The following PRKG1 variants were observed in gnomAD, a reference collection of about 807,000 sequenced individuals.
PRKG1 encodes protein kinase cGMP-dependent 1.
A neutral mutation model predicts 88.1 loss-of-function variants in PRKG1; 35 were observed. The ratio of observed to expected loss-of-function variants is 0.40; its 90% CI spans 0.30 to 0.53. The LOEUF is 0.53. PRKG1 is among the 20% of genes least tolerant of loss of function. PRKG1 has a pLI of 0.59. For synonymous variants in PRKG1, 303 were observed against 292.5 expected, an observed-to-expected ratio of 1.04 and a Z score of -0.37; for missense variants, 540 against 839.8, an observed-to-expected ratio of 0.64 and a Z score of 4.41.
intron 3 of PRKG1, among the ~76,000 whole-genome samples, chr10:51,628,688 G>A (rs906885801): frequency 3.3e-5 from 5 of 152,018 alleles, no homozygotes; most frequent in Non-Finnish European, 5.9e-5. Context: ...GGCCGGGCGC[G>A]GTGGCTCACG....
chr10:52,290,362 T>A, intron 17 of PRKG1, 72 bp downstream of exon 17: 1 of 1,311,442 alleles, frequency 7.6e-7, no homozygotes, highest in South Asian at 1.3e-5. Flanking sequence ...AATGATCTGT[T>A]ATTTTTAAAG....
chr10:51,888,142 A>C, intron 4 of PRKG1, among the ~76,000 whole-genome samples: 1 of 152,104 alleles, frequency 6.6e-6, no homozygotes, highest in Non-Finnish European at 1.5e-5. Flanking sequence ...GTATAGGCTT[A>C]TGGCCCAACT....
At chr10:51,300,304 G>A (rs1025668169) in intron 2 of PRKG1, among the ~76,000 whole-genome samples, 3 of 152,140 alleles carry the variant, frequency 2.0e-5, no homozygotes, top group African/African-American at 7.2e-5. Flanking sequence ...ATCATACACA[G>A]TAATCCTTGG....
intron 9 of PRKG1, among the ~76,000 whole-genome samples, chr10:52,169,926 G>C (rs534135261): frequency 6.6e-6 from 1 of 152,266 alleles, no homozygotes; most frequent in South Asian, 2.1e-4. Flanking sequence ...GACAAAGGCA[G>C]ACCTCTTCAA....
At chr10:51,750,857 G>A (rs538822601) in intron 3 of PRKG1, among the ~76,000 whole-genome samples, 1 of 151,218 alleles carries the variant, frequency 6.6e-6, no homozygotes, top group African/African-American at 2.4e-5. Flanking sequence ...CTTTCTAAAA[G>A]AATATTTTCA....
chr10:51,658,440 G>A (rs1030940390), intron 3 of PRKG1, among the ~76,000 whole-genome samples: 3 of 152,030 alleles, frequency 2.0e-5, no homozygotes, highest in Non-Finnish European at 4.4e-5. Flanking sequence ...AATGACAAAT[G>A]TCCCTTCCAG....
intron 3 of PRKG1, among the ~76,000 whole-genome samples, chr10:51,618,164 T>A (rs1420117739): frequency 1.3e-5 from 2 of 152,190 alleles, no homozygotes; most frequent in Non-Finnish European, 2.9e-5. Context: ...TATCTTGGCT[T>A]CAGAGATTAA....
chr10:51,585,201 C>G (rs1389023237), intron 3 of PRKG1, among the ~76,000 whole-genome samples: 1 of 152,038 alleles, frequency 6.6e-6, no homozygotes, highest in Admixed American at 6.6e-5. Context: ...CTACTGTCTT[C>G]TTCATAATCA....
rs1254749071 is a variant in PRKG1, at chr10:51,158,359, G to A, written c.478+5029G>A. On this transcript the variant is annotated intron_variant, in intron 2 of 17. Transcript: ENST00000373980. ...TAGCCTTGGAGTCCCCATGCCTAAG[G>A]AATGTGCGGTGCTAACTTTTGAAGT... 2.0e-5 allele frequency among the ~76,000 whole-genome samples: 3 copies of A among 151,922 alleles called. No individual in the cohort carries two copies. In the East Asian group the frequency reaches 5.8e-4, roughly 29 times the overall value.
At chr10:51,636,849 C>T (rs929724252) in intron 3 of PRKG1, among the ~76,000 whole-genome samples, 5 of 152,124 alleles carry the variant, frequency 3.3e-5, no homozygotes, top group Admixed American at 6.5e-5. Context: ...AGGTAGCAAA[C>T]GAGGAGAACA....
intron 9 of PRKG1, among the ~76,000 whole-genome samples, chr10:52,205,427 C>T (rs1312070161): frequency 6.6e-6 from 1 of 152,148 alleles, no homozygotes; most frequent in Non-Finnish European, 1.5e-5. Flanking sequence ...CCCTTTATTT[C>T]TCAGACCAGC....
chr10:51,318,317 A>G (rs1841372187), intron 2 of PRKG1, among the ~76,000 whole-genome samples: 1 of 152,166 alleles, frequency 6.6e-6, no homozygotes, highest in Non-Finnish European at 1.5e-5. Context: ...TTTTCTAGGG[A>G]TGTAAAATGA....
At chr10:51,687,616 A>G (rs1434591669) in intron 3 of PRKG1, among the ~76,000 whole-genome samples, 4 of 152,206 alleles carry the variant, frequency 2.6e-5, no homozygotes, top group Non-Finnish European at 5.9e-5. Flanking sequence ...TACCAGAAAA[A>G]TAATGAGATT....
chr10:51,836,816 A>G (rs1314137690), intron 4 of PRKG1, among the ~76,000 whole-genome samples: 1 of 152,182 alleles, frequency 6.6e-6, no homozygotes, highest in Admixed American at 6.6e-5. Flanking sequence ...CCCTTTTAAT[A>G]TATCATACTG....
chr10:52,093,462 T>C (rs1025721840), intron 7 of PRKG1, among the ~76,000 whole-genome samples: 16 of 152,146 alleles, frequency 1.1e-4, no homozygotes, highest in East Asian at 7.7e-4. Flanking sequence ...GTTTTGAAAA[T>C]GTACATGTGA....
chr10:51,347,991 A>C (rs943777233), intron 2 of PRKG1, among the ~76,000 whole-genome samples: 5 of 152,176 alleles, frequency 3.3e-5, no homozygotes, highest in African/African-American at 1.2e-4. Flanking sequence ...TGAACCCGGG[A>C]GGCGGAGCTT....
At chr10:51,017,649 AT>A (rs921406850) in intron 1 of PRKG1, among the ~76,000 whole-genome samples, 1 of 152,020 alleles carries the variant, frequency 6.6e-6, no homozygotes, top group African/African-American at 2.4e-5. Context: ...CTGACTTCAA[AT>A]TTTTTCCTGG....
chr10:51,662,706 T>G (rs79333870), intron 3 of PRKG1, among the ~76,000 whole-genome samples: 5,715 of 152,108 alleles, frequency 0.038, 150 homozygotes, highest in South Asian at 0.1. Context: ...AAGGAGCAAA[T>G]GGAGAAGGCC....
intron 1 of PRKG1, among the ~76,000 whole-genome samples, chr10:51,011,636 ATTTAT>A (rs1362539194): frequency 1.3e-5 from 2 of 152,158 alleles, no homozygotes; most frequent in Non-Finnish European, 2.9e-5. Flanking sequence ...AAGTGCCTAA[ATTTAT>A]TTTATTTGGT....
Sources: gnomAD v4.1 joint callset for allele counts (sites outside exome capture counted in the v4.1 genomes callset) on GRCh38, gnomAD v4.1.1 for gene constraint, MANE v1.5 for transcripts, NCBI Gene and HGNC (gene_info 2026-07-23, HGNC 2026-07-21) for gene names.